The following SHISA9 variants were observed in gnomAD, a reference collection of about 807,000 sequenced individuals.
SHISA9 encodes the protein protein shisa-9.
A neutral mutation model predicts 38.0 loss-of-function variants in SHISA9; 13 were observed. The ratio of observed to expected loss-of-function variants is 0.34; its 90% CI spans 0.22 to 0.54. The LOEUF is 0.54. Ranked by LOEUF, SHISA9 falls within the 20% of genes least tolerant of loss-of-function variation. The probability of loss-of-function intolerance (pLI) is 0.91; values close to 1 mark genes in which losing one functional copy is unlikely to be tolerated. For synonymous variants in SHISA9, 275 were observed against 242.0 expected (o/e 1.14, Z -1.27); for missense variants, 538 against 575.8 (o/e 0.93, Z 0.67).
At chr16:13,560,759 A>G in the SHISA9 span, among the ~76,000 whole-genome samples, 1 of 151,984 alleles carries the variant, frequency 6.6e-6, no homozygotes, top group Admixed American at 6.6e-5. Context: ...ATTAGGAAAA[A>G]AAAAAAAAAA....
At chr16:13,550,949 G>T in the SHISA9 span, among the ~76,000 whole-genome samples, 5 of 152,058 alleles carry the variant, frequency 3.3e-5, no homozygotes, top group South Asian at 6.2e-4. Flanking sequence ...CAGTGAAACC[G>T]CATCTCTACT....
At chr16:13,538,976 G>A in the SHISA9 span, among the ~76,000 whole-genome samples, 1 of 152,056 alleles carries the variant, frequency 6.6e-6, no homozygotes, top group Non-Finnish European at 1.5e-5. Context: ...CCTTCAATGA[G>A]TTAATTGCAA....
At chr16:13,128,997 A>G (rs774805679) in intron 2 of SHISA9, among the ~76,000 whole-genome samples, 1 of 152,194 alleles carries the variant, frequency 6.6e-6, no homozygotes, top group Non-Finnish European at 1.5e-5. Flanking sequence ...ATATGCTTTT[A>G]TCTTGTCTTT....
chr16:13,347,611 G>T, the SHISA9 span, among the ~76,000 whole-genome samples: 12 of 152,142 alleles, frequency 7.9e-5, no homozygotes, highest in East Asian at 2.3e-3. Flanking sequence ...AGTGAACTTG[G>T]CTCAACTAAA....
At chr16:13,560,696 C>G in the SHISA9 span, among the ~76,000 whole-genome samples, 1 of 144,294 alleles carries the variant, frequency 6.9e-6, no homozygotes, top group Non-Finnish European at 1.5e-5. Context: ...TAATTCATAA[C>G]AGTTGGTTCA....
chr16:13,421,505 A>G, the SHISA9 span, among the ~76,000 whole-genome samples: 1 of 152,118 alleles, frequency 6.6e-6, no homozygotes, highest in East Asian at 1.9e-4. Flanking sequence ...TATGGGGGAA[A>G]CCACCCCCAT....
chr16:13,118,180 T>TAA (rs543126630), intron 2 of SHISA9, among the ~76,000 whole-genome samples: 16 of 83,986 alleles, frequency 1.9e-4, no homozygotes, highest in Admixed American at 2.7e-4. Flanking sequence ...AGACTTCGTC[T>TAA]AAAAAAAAAA....
the SHISA9 span, among the ~76,000 whole-genome samples, chr16:13,418,621 C>A: frequency 6.6e-6 from 1 of 152,140 alleles, no homozygotes; most frequent in Non-Finnish European, 1.5e-5. Context: ...ATGGAGAGAG[C>A]AGAAGCTGCT....
At chr16:12,971,708 C>T (rs1051441169) in intron 2 of SHISA9, among the ~76,000 whole-genome samples, 7 of 152,138 alleles carry the variant, frequency 4.6e-5, no homozygotes, top group Non-Finnish European at 1.0e-4. Flanking sequence ...ATTATGAATG[C>T]CATCATCATT....
At chr16:13,127,777 G>T (rs1226695880) in intron 2 of SHISA9, among the ~76,000 whole-genome samples, 3 of 152,126 alleles carry the variant, frequency 2.0e-5, no homozygotes, top group African/African-American at 7.2e-5. Context: ...TCACACAGTT[G>T]TTGTGGGGAT....
At chr16:13,286,227 C>G in the SHISA9 span, among the ~76,000 whole-genome samples, 10 of 152,224 alleles carry the variant, frequency 6.6e-5, no homozygotes, top group African/African-American at 2.4e-4. Flanking sequence ...ACCAAGCTAA[C>G]CAAGCTATGC....
chr16:13,461,859 C>T, the SHISA9 span, among the ~76,000 whole-genome samples: 2 of 151,874 alleles, frequency 1.3e-5, no homozygotes. Flanking sequence ...GTGATCCGCC[C>T]ACCTCGGCCT....
chr16:12,979,856 A>G (rs1423905367), intron 2 of SHISA9, among the ~76,000 whole-genome samples: 4 of 152,188 alleles, frequency 2.6e-5, no homozygotes, highest in Non-Finnish European at 5.9e-5. Context: ...CGAGCTTAGC[A>G]TGCTCTCCCA....
intron 2 of SHISA9, among the ~76,000 whole-genome samples, chr16:13,091,972 A>G (rs1567209457): frequency 6.6e-6 from 1 of 152,150 alleles, no homozygotes; most frequent in East Asian, 1.9e-4. Flanking sequence ...TTGGTGACCT[A>G]CAGATGGGGT....
chr16:12,945,858 G>A (rs2071682361), intron 2 of SHISA9, among the ~76,000 whole-genome samples: 1 of 151,962 alleles, frequency 6.6e-6, no homozygotes, highest in African/African-American at 2.4e-5. Context: ...CCAGAGCAAC[G>A]AGATGAGCAC....
chr16:13,090,389 A>C (rs1022851092), intron 2 of SHISA9, among the ~76,000 whole-genome samples: 1 of 152,134 alleles, frequency 6.6e-6, no homozygotes, highest in African/African-American at 2.4e-5. Flanking sequence ...TCTGTCTAAT[A>C]TTGACAGTGG....
At chr16:13,262,204 A>G in the SHISA9 span, among the ~76,000 whole-genome samples, 2 of 152,210 alleles carry the variant, frequency 1.3e-5, no homozygotes, top group African/African-American at 4.8e-5. Flanking sequence ...TAAAACATAC[A>G]AAACCAGTCC....
chr16:13,392,552 G>T, the SHISA9 span, among the ~76,000 whole-genome samples: 1 of 152,050 alleles, frequency 6.6e-6, no homozygotes, highest in African/African-American at 2.4e-5. Context: ...AGCAGGTGGC[G>T]GCATTACAGA....
chr16:13,268,312 C>T, the SHISA9 span, among the ~76,000 whole-genome samples: 103 of 152,214 alleles, frequency 6.8e-4, 1 homozygote, highest in Middle Eastern at 6.8e-3. Context: ...GAGTTTGACA[C>T]CAGCCTGACC....
Sources: allele counts gnomAD v4.1 joint callset (sites outside exome capture counted in the v4.1 genomes callset), GRCh38; gene constraint gnomAD v4.1.1; transcripts MANE v1.5; gene names NCBI Gene and HGNC (gene_info 2026-07-23, HGNC 2026-07-21).